The following NRXN1 variants were observed in gnomAD, a reference collection of about 807,000 sequenced individuals.
NRXN1 encodes the protein neurexin-1.
In NRXN1, 39 loss-of-function variants were observed where a neutral mutation model predicts 150.9. That is an observed-to-expected ratio of 0.26 (90% confidence interval 0.20 to 0.34). The LOEUF is 0.34. Among genes scored for constraint, NRXN1 ranks in the 10% least tolerant of loss-of-function variants. NRXN1 has a pLI of 1.00. For synonymous variants in NRXN1, 924 were observed against 757.0 expected (o/e 1.22, Z -3.62); for missense variants, 1,815 against 1,949.9 (o/e 0.93, Z 1.30).
intron 5 of NRXN1, among the ~76,000 whole-genome samples, chr2:50,898,969 G>C (rs927080752): frequency 2.6e-5 from 4 of 151,676 alleles, no homozygotes; most frequent in South Asian, 2.1e-4. Context: ...TCCTAATATA[G>C]ATGACTCAAA....
intron 8 of NRXN1, 96 bp from the exon 9 acceptor site, chr2:50,553,121 G>C (rs1354228804): frequency 1.2e-6 from 1 of 855,170 alleles, no homozygotes; most frequent in Non-Finnish European, 1.8e-6. Flanking sequence ...ATCATAAAAA[G>C]GCACACGATA....
intron 18 of NRXN1, among the ~76,000 whole-genome samples, chr2:50,097,603 A>G (rs1700403963): frequency 2.0e-5 from 3 of 152,112 alleles, no homozygotes; most frequent in Admixed American, 1.3e-4. Flanking sequence ...CTCACCTAAA[A>G]ACAAACACAC....
chr2:50,473,632 A>C (rs1412237024), intron 15 of NRXN1, among the ~76,000 whole-genome samples: 3 of 151,974 alleles, frequency 2.0e-5, no homozygotes, highest in African/African-American at 7.2e-5. Context: ...ATTCAACTTG[A>C]TGTCACTTGG....
intron 18 of NRXN1, among the ~76,000 whole-genome samples, chr2:50,212,353 A>G (rs936437465): frequency 1.3e-5 from 2 of 150,860 alleles, no homozygotes; most frequent in African/African-American, 4.9e-5. Flanking sequence ...CTTTAATTCC[A>G]CAGATTATTT....
chr2:50,289,213 A>G (rs2072591699), intron 17 of NRXN1, among the ~76,000 whole-genome samples: 1 of 152,148 alleles, frequency 6.6e-6, no homozygotes, highest in Non-Finnish European at 1.5e-5. Context: ...GTAGAGCCCC[A>G]AGGTTAATAT....
intron 2 of NRXN1, among the ~76,000 whole-genome samples, chr2:51,013,042 G>A (rs540012167): frequency 6.6e-6 from 1 of 151,974 alleles, no homozygotes; most frequent in Non-Finnish European, 1.5e-5. Context: ...GACACCACTC[G>A]AATATTCTGT....
chr2:50,719,140 C>A (rs190073049), intron 5 of NRXN1, among the ~76,000 whole-genome samples: 2 of 151,712 alleles, frequency 1.3e-5, no homozygotes, highest in East Asian at 1.9e-4. Flanking sequence ...GACTTGTAAT[C>A]TTTATCCTTC....
intron 1 of NRXN1, among the ~76,000 whole-genome samples, chr2:51,030,898 G>C (rs763689367): frequency 1.4e-4 from 21 of 150,430 alleles, no homozygotes; most frequent in Non-Finnish European, 3.1e-4. Context: ...TTTCTTGTGT[G>C]TGTAACTCTG....
In NRXN1 at chr2:50,623,590, G is replaced by C; in HGVS notation, c.858C>G (p.Phe286Leu). ...CGTAGCAGAAGTATTCAGATCCTTT[G>C]AACGTGGCAATATATTCTTCTTTTC... ...SKGKEEYIAT[F>L]KGSEYFCYDL... is the part of the protein sequence containing the mutation. Residue 286 changes from phenylalanine (F) to leucine (L), a missense_variant, in exon 6 of 23, where the codon TTC (phenylalanine) becomes TTG (leucine). By Grantham distance (22) the Phe-to-Leu change is conservative. Around this residue, in one of 6 missense-constraint regions of NRXN1, gnomAD observed 554 missense variants for 478.8 expected, o/e 1.16. Coordinates refer to ENST00000401669, the MANE Select transcript of NRXN1 (RefSeq NM_001330078.2). The C allele has an allele frequency of 6.2e-7, 1 of 1,611,918 alleles. No homozygotes were observed. The highest frequency in any genetic ancestry group is 8.5e-7 in the Non-Finnish European group (1 of 1,178,480).
chr2:50,832,528 C>A (rs368112877), intron 5 of NRXN1, among the ~76,000 whole-genome samples: 32 of 152,220 alleles, frequency 2.1e-4, no homozygotes, highest in African/African-American at 7.2e-4. Context: ...TGGCAGGCAC[C>A]TGTAATCACA....
At chr2:50,351,170 C>T (rs1222865261) in intron 17 of NRXN1, among the ~76,000 whole-genome samples, 2 of 152,166 alleles carry the variant, frequency 1.3e-5, no homozygotes, top group East Asian at 3.9e-4. Flanking sequence ...CAGAATCTCA[C>T]AAATTGTTCT....
At chr2:50,060,665 A>G (rs1694387677) in intron 19 of NRXN1, among the ~76,000 whole-genome samples, 1 of 152,168 alleles carries the variant, frequency 6.6e-6, no homozygotes, top group Admixed American at 6.5e-5. Flanking sequence ...AGGTAATTGA[A>G]TCATGGGGAC....
At chr2:50,152,267 G>A (rs527385834) in intron 18 of NRXN1, among the ~76,000 whole-genome samples, 93 of 151,650 alleles carry the variant, frequency 6.1e-4, no homozygotes, top group African/African-American at 2.1e-3. Context: ...CACTACTCTA[G>A]GTACATTATA....
At chr2:50,512,373 C>G (rs999488022) in intron 12 of NRXN1, among the ~76,000 whole-genome samples, 3 of 152,096 alleles carry the variant, frequency 2.0e-5, no homozygotes, top group Non-Finnish European at 4.4e-5. Flanking sequence ...TTTATATAGT[C>G]AAATTTTAAT....
At position 50,276,899 on chromosome 2, in the gene NRXN1, C is replaced by T. The variant is rs140285760; in HGVS notation, c.3365-39929G>A. ...AATAAAAATGGGCTATAAATGAGGT[C>T]TCTTTGGCCATTTCAATCCAATATA... On this transcript the variant is annotated intron_variant, in intron 17 of 22. Transcript: ENST00000401669. 4.7e-3 allele frequency among the ~76,000 whole-genome samples: 713 copies of T among 152,176 alleles called. 10 individuals carry two copies. The highest frequency in any genetic ancestry group is 0.016 in the African/African-American group (660 of 41,508).
chr2:49,935,444 C>A (rs989002821), intron 22 of NRXN1, among the ~76,000 whole-genome samples: 51 of 151,930 alleles, frequency 3.4e-4, no homozygotes, highest in African/African-American at 1.1e-3. Flanking sequence ...CCATTTTTAA[C>A]CTGGAAATGT....
intron 5 of NRXN1, among the ~76,000 whole-genome samples, chr2:50,910,997 A>C (rs1239827715): frequency 6.6e-6 from 1 of 152,064 alleles, no homozygotes; most frequent in Non-Finnish European, 1.5e-5. Flanking sequence ...GTCCCCTATC[A>C]TCAAATCCCT....
intron 18 of NRXN1, among the ~76,000 whole-genome samples, chr2:50,122,829 G>A (rs1367700838): frequency 3.3e-5 from 5 of 152,216 alleles, no homozygotes; most frequent in Admixed American, 2.6e-4. Context: ...GCGATTCCCA[G>A]CTTTCAATAC....
intron 15 of NRXN1, among the ~76,000 whole-genome samples, chr2:50,478,222 A>T (rs559881812): frequency 3.9e-5 from 6 of 152,300 alleles, no homozygotes; most frequent in African/African-American, 1.4e-4. Flanking sequence ...TTGCTTTCTT[A>T]GTAGAAAGCC....
Sources: allele counts gnomAD v4.1 joint callset (sites outside exome capture counted in the v4.1 genomes callset), GRCh38; gene constraint gnomAD v4.1.1; regional missense constraint gnomAD v4.1.1; transcripts MANE v1.5; gene names NCBI Gene and HGNC (gene_info 2026-07-23, HGNC 2026-07-21).